HYDIN: variants seen among roughly 807,000 people sequenced by gnomAD.
HYDIN encodes HYDIN axonemal central pair apparatus protein.
HYDIN carries 132 observed loss-of-function variants against 403.9 expected under a neutral mutation model. The ratio of observed to expected loss-of-function variants is 0.33; its 90% CI spans 0.28 to 0.38. HYDIN has a LOEUF of 0.38. Among genes scored for constraint, HYDIN ranks in the 10% least tolerant of loss-of-function variants. HYDIN has a pLI of 1.00. For missense variants in HYDIN, 2,827 were observed against 5,009.5 expected, an observed-to-expected ratio of 0.56 and a Z score of 13.15; for synonymous variants, 1,202 against 1,891.7, an observed-to-expected ratio of 0.64 and a Z score of 9.46.
At chr16:70,845,847 C>T (rs551391678) in intron 75 of HYDIN, among the ~76,000 whole-genome samples, 1,776 of 137,700 alleles carry the variant, frequency 0.013, 85 homozygotes, top group Middle Eastern at 0.023. Context: ...TTGTAGTATT[C>T]TCTGATGGTA....
At chr16:70,946,857 A>C (rs537833789) in intron 41 of HYDIN, among the ~76,000 whole-genome samples, 25 of 152,216 alleles carry the variant, frequency 1.6e-4, no homozygotes, top group Admixed American at 5.2e-4. Context: ...ATCATTCAAA[A>C]GATCAGGATT....
At chr16:71,168,865 T>C (rs915466156) in intron 5 of HYDIN, among the ~76,000 whole-genome samples, 3 of 152,216 alleles carry the variant, frequency 2.0e-5, no homozygotes, top group Non-Finnish European at 2.9e-5. Context: ...CAGGCAGAAA[T>C]GTCCAATCAA....
chr16:70,874,700 G>C (rs1231873202), intron 63 of HYDIN, 108 bp from the exon 64 acceptor site: 13 of 1,245,314 alleles, frequency 1.0e-5, no homozygotes, highest in African/African-American at 1.5e-5. Flanking sequence ...ACGAGCCTTA[G>C]CTAGAGGCCA....
intron 58 of HYDIN, among the ~76,000 whole-genome samples, chr16:70,888,240 G>A (rs1489558060): frequency 1.3e-5 from 2 of 152,266 alleles, no homozygotes; most frequent in African/African-American, 4.8e-5. Context: ...TTCAGTTTCA[G>A]TTCTTCCTGG....
At chr16:71,230,020 T>C (rs1225295705) in intron 1 of HYDIN, among the ~76,000 whole-genome samples, 1 of 152,172 alleles carries the variant, frequency 6.6e-6, no homozygotes, top group Non-Finnish European at 1.5e-5. Flanking sequence ...CTGCACATGC[T>C]CTCTTGCCTG....
chr16:70,907,330 C>T, intron 50 of HYDIN, 42 bp downstream of exon 50: 1 of 516,654 alleles, frequency 1.9e-6, no homozygotes, highest in South Asian at 2.2e-5. Context: ...ATGAGCCCAA[C>T]CCAGCAGTCT....
chr16:71,020,125 C>T (rs186093669), intron 22 of HYDIN, 49 bp downstream of exon 22: 3 of 1,595,020 alleles, frequency 1.9e-6, no homozygotes, highest in Non-Finnish European at 2.6e-6. Context: ...CTTTATCACA[C>T]CCCGCCCCAC....
At chr16:70,861,199 T>C (rs1215403539) in intron 69 of HYDIN, among the ~76,000 whole-genome samples, 10 of 152,346 alleles carry the variant, frequency 6.6e-5, no homozygotes, top group Admixed American at 5.2e-4. Flanking sequence ...GTCTCTCTCA[T>C]AGGCATTTAG....
chr16:71,134,856 C>G (rs1016190673), intron 8 of HYDIN, among the ~76,000 whole-genome samples: 1 of 152,092 alleles, frequency 6.6e-6, no homozygotes, highest in Non-Finnish European at 1.5e-5. Flanking sequence ...GAGAGAAGAG[C>G]AAGAAGTGCC....
intron 49 of HYDIN, 141 bp downstream of exon 49, chr16:70,908,111 G>C: frequency 1.5e-6 from 1 of 650,370 alleles, no homozygotes; most frequent in Non-Finnish European, 2.6e-6. Flanking sequence ...CAATATTCAA[G>C]ACATGGAAGC....
In HYDIN at chr16:70,845,751, A is replaced by C. The variant is rs12051265; in HGVS notation, c.12873+3975T>G. Among the ~76,000 whole-genome samples, 40 of 136,434 alleles carry C rather than the reference A, an allele frequency of 2.9e-4. 1 individual carries two copies. The highest frequency in any genetic ancestry group is 8.1e-4 in the African/African-American group (24 of 29,676). 89.5% of individuals were successfully genotyped at this position (136,434 alleles called of 152,430 possible). A position where few individuals can be genotyped will look rare whatever the true frequency, so the allele number is the denominator to read the frequency against. On this transcript the variant is annotated intron_variant, in intron 75 of 85. Coordinates refer to ENST00000393567, the MANE Select transcript of HYDIN (RefSeq NM_001270974.2). ...ATTGGTCTATTCAGAGATTCAACTT[A>C]TTCCTGTTTTAGTCTTGGGAGAGTG...
At chr16:71,045,220 G>T (rs1191541386) in intron 18 of HYDIN, among the ~76,000 whole-genome samples, 1 of 152,076 alleles carries the variant, frequency 6.6e-6, no homozygotes, top group African/African-American at 2.4e-5. Context: ...ACATCTCTTG[G>T]TTTTTTCCTT....
chr16:71,108,754 A>T (rs1047052810), intron 10 of HYDIN, among the ~76,000 whole-genome samples: 4 of 152,090 alleles, frequency 2.6e-5, no homozygotes, highest in African/African-American at 9.6e-5. Context: ...ACTAGAAACA[A>T]AGTCCAACAT....
rs551058865 is a variant in HYDIN, at chr16:71,017,086, T to C, written c.3644+1043A>G. On this transcript the variant is annotated intron_variant, in intron 23 of 85. Coordinates refer to ENST00000393567, the MANE Select transcript of HYDIN (RefSeq NM_001270974.2). The stretch of plus-strand genomic sequence containing the variant: ...TGGGTACGGTGGCCCACACCTGTAA[T>C]CCCAGCACCTTGGCAGGCCGAGGCG... Among the ~76,000 whole-genome samples the C allele has an allele frequency of 1.6e-4, 24 of 151,626 alleles. No homozygotes were observed. In the East Asian group the frequency reaches 3.3e-3, roughly 21 times the overall value.
intron 9 of HYDIN, among the ~76,000 whole-genome samples, chr16:71,118,232 G>A (rs2144477976): frequency 6.6e-6 from 1 of 151,962 alleles, no homozygotes; most frequent in African/African-American, 2.4e-5. Context: ...TGGGCAGACA[G>A]TGAATAGTCA....
chr16:71,186,845 C>A lies in HYDIN; in HGVS notation c.51G>T (p.Leu17Phe). The change falls in exon 2 of 86, where the codon TTG becomes TTT. Residue 17 changes from leucine to phenylalanine, a missense_variant. Leu to Phe is a conservative substitution (Grantham distance 22). Coordinates refer to ENST00000393567, the MANE Select transcript of HYDIN (RefSeq NM_001270974.2). ...EESMGAVQMGLVNMFKGFQSK... is the reference protein window; with the variant it reads ...EESMGAVQMGFVNMFKGFQSK... Reference sequence around the variant, plus strand: ...TTTGAAATCCTTTGAACATATTGACCAATCCCATCTGAACAGCCCCCATGG... The same window carrying A: ...TTTGAAATCCTTTGAACATATTGACAAATCCCATCTGAACAGCCCCCATGG... 1 of 1,613,022 alleles carries A rather than the reference C, an allele frequency of 6.2e-7. No individual in the cohort carries two copies. Among genetic ancestry groups the A allele is most frequent in the Non-Finnish European group, 8.5e-7 (1 of 1,179,178 alleles).
chr16:71,200,128 A>G (rs528462703), intron 1 of HYDIN, among the ~76,000 whole-genome samples: 54 of 152,316 alleles, frequency 3.5e-4, no homozygotes, highest in African/African-American at 1.2e-3. Flanking sequence ...CCATGACAAC[A>G]TCAGGAAGTT....
chr16:71,177,719 T>G (rs533828777), intron 4 of HYDIN, among the ~76,000 whole-genome samples: 29 of 152,354 alleles, frequency 1.9e-4, no homozygotes, highest in Admixed American at 1.7e-3. Context: ...TATTCCTCCT[T>G]GTCTTTATAC....
chr16:71,031,486 A>T, intron 19 of HYDIN, 193 bp downstream of exon 19: 1 of 1,359,616 alleles, frequency 7.4e-7, no homozygotes, highest in Non-Finnish European at 9.5e-7. Flanking sequence ...AGAGAATGCA[A>T]CCAAGTTATG....
Sources: allele counts gnomAD v4.1 joint callset (sites outside exome capture counted in the v4.1 genomes callset), GRCh38; gene constraint gnomAD v4.1.1; transcripts MANE v1.5; gene names NCBI Gene and HGNC (gene_info 2026-07-23, HGNC 2026-07-21).